REC8: variants seen among roughly 807,000 people sequenced by gnomAD.
REC8 encodes the protein meiotic recombination protein REC8 homolog.
Under a neutral mutation model 78.3 loss-of-function variants are expected in REC8, and 42 were observed. That is an observed-to-expected ratio of 0.54 (90% CI 0.42 to 0.69). The LOEUF is 0.69. REC8 is among the 30% of genes least tolerant of loss of function. The pLI is 0.00. For missense variants in REC8, 581 were observed against 715.8 expected, an observed-to-expected ratio of 0.81 and a Z score of 2.15; for synonymous variants, 268 against 274.1, an observed-to-expected ratio of 0.98 and a Z score of 0.22.
At position 24,178,958 on chromosome 14, in the gene REC8, G is replaced by A. The variant is rs1351491096; in HGVS notation, c.1203+42G>A. The A allele has an allele frequency of 2.5e-6, 4 of 1,609,342 alleles. No homozygotes were observed. The South Asian group carries it at 4.4e-5, about 18-fold the overall frequency. Reference sequence around the variant, plus strand: ...TTTACTGCATCGCCCCAGTGCCAGGGTCTGCCTGACCAGCTGGCTGCCCTC... The same window carrying A: ...TTTACTGCATCGCCCCAGTGCCAGGATCTGCCTGACCAGCTGGCTGCCCTC... On this transcript the variant is annotated intron_variant, in intron 14 of 18. Transcript: ENST00000611366.
Position 24,179,481 on chromosome 14 carries a change from G to A in REC8, c.1319+18G>A, listed in dbSNP as rs373413408. ...GAACGGTGGTAAGCGGCCAGGCTCC[G>A]TGGGAGCCAGGGCCCACAGCCCTTG... On this transcript the variant is annotated intron_variant, in intron 16 of 18. Coordinates refer to ENST00000611366, the MANE Select transcript of REC8 (RefSeq NM_001048205.2). 2.2e-5 allele frequency: 36 copies of A among 1,613,580 alleles called. No homozygotes were observed. Among genetic ancestry groups the A allele is most frequent in the South Asian group, 1.3e-4 (12 of 91,082 alleles).
chr14:24,176,134 T>G (rs920794875), intron 6 of REC8, among the ~76,000 whole-genome samples: 5 of 151,822 alleles, frequency 3.3e-5, no homozygotes, highest in Admixed American at 6.6e-5. Flanking sequence ...TGGTGCACTT[T>G]AGGCTCACTG....
chr14:24,180,253 C>T lies in REC8; in HGVS notation c.*158C>T, dbSNP rs2039104303. On this transcript the variant is annotated 3_prime_UTR_variant, in exon 19 of 19. Transcript: ENST00000611366. ...AGCAGAAAACAAGCTGCTTTTATTACAGTATGATGTCATGACTCATTTGTA... is the reference window on the plus strand; with the variant it reads ...AGCAGAAAACAAGCTGCTTTTATTATAGTATGATGTCATGACTCATTTGTA... 6.4e-7 allele frequency: 1 copy of T among 1,558,374 alleles called. No homozygotes were observed. The highest frequency in any genetic ancestry group is 8.7e-7 in the Non-Finnish European group (1 of 1,150,186).
chr14:24,173,785 A>G (rs1366665096), intron 5 of REC8, among the ~76,000 whole-genome samples: 1 of 152,154 alleles, frequency 6.6e-6, no homozygotes, highest in East Asian at 1.9e-4. Context: ...TCCCCATTTG[A>G]ACAGTGGCTC....
chr14:24,177,763 G>A lies in REC8; in HGVS notation c.864+5G>A. ...CCAGCCCCACCCAGCCCAGAGGTGA[G>A]TAGCCTCCCTTCTAATCCTCCTCCT... On this transcript the variant is annotated splice_donor_5th_base_variant and intron_variant, in intron 11 of 18. Coordinates refer to ENST00000611366, the MANE Select transcript of REC8 (RefSeq NM_001048205.2). The A allele has an allele frequency of 6.2e-7, 1 of 1,600,860 alleles. No individual in the cohort carries two copies. The highest frequency in any genetic ancestry group is 8.5e-7 in the Non-Finnish European group (1 of 1,174,054).
chr14:24,180,541 C>T (rs779172878), downstream of REC8: 11 of 1,613,942 alleles, frequency 6.8e-6, no homozygotes, highest in South Asian at 3.3e-5. Flanking sequence ...TGGCCAGGAA[C>T]GTCAGGAGCA....
chr14:24,178,117 T>TCGC lies in REC8; in HGVS notation c.900_902dup (p.Arg304dup). 6 of 1,613,442 alleles carry TCGC rather than the reference T, an allele frequency of 3.7e-6. No individual in the cohort carries two copies. The highest frequency in any genetic ancestry group is 5.1e-6 in the Non-Finnish European group (6 of 1,179,660). On this transcript the variant is annotated inframe_insertion, in exon 12 of 19. Transcript: ENST00000611366. ...GGAGGCCCCCAGTCCCCCCACCTCC[T>TCGC]CGCCGCCGCCGTCGTCGCCGGTTAC...
chr14:24,172,835 G>A, intron 2 of REC8, 54 bp downstream of exon 2: 1 of 1,613,902 alleles, frequency 6.2e-7, no homozygotes, highest in Non-Finnish European at 8.5e-7. Context: ...GTTAGGGGAT[G>A]GGGTGGCCAA....
In REC8 at chr14:24,172,599, C is replaced by T; in HGVS notation, c.47C>T (p.Ala16Val). 1 of 1,613,398 alleles carries T rather than the reference C, an allele frequency of 6.2e-7. No individual in the cohort carries two copies. The highest frequency in any genetic ancestry group is 8.5e-7 in the Non-Finnish European group (1 of 1,179,492). ...CTTCAGCGCCACACCGGCTGCTTTGCCACCATCTGGTAAGGGCGGGGCCCG... is the reference window on the plus strand; with the variant it reads ...CTTCAGCGCCACACCGGCTGCTTTGTCACCATCTGGTAAGGGCGGGGCCCG... ...NVLQRHTGCF[A>V]TIWLAATRGS... Residue 16 changes from alanine (A) to valine (V), a missense_variant, in exon 1 of 19, where the codon GCC (alanine) becomes GTC (valine). By Grantham distance (64) the Ala-to-Val change is moderately conservative. Coordinates refer to ENST00000611366, the MANE Select transcript of REC8 (RefSeq NM_001048205.2).
Position 24,179,454 on chromosome 14 carries a change from A to G in REC8, c.1310A>G (p.Glu437Gly). The stretch of plus-strand genomic sequence containing the variant: ...TCCCGCATCAGCCTCATCCCACCAG[A>G]AGAACGGTGGTAAGCGGCCAGGCTC... Reference protein sequence around the residue: ...EKSRISLIPPEERWAWPEVEA... With the variant: ...EKSRISLIPPGERWAWPEVEA... The change falls in exon 16 of 19, where the codon GAA becomes GGA. Residue 437 changes from glutamate (E) to glycine (G), a missense_variant. Transcript: ENST00000611366. 6.2e-7 allele frequency: 1 copy of G among 1,614,126 alleles called. No homozygotes were observed. Among genetic ancestry groups the G allele is most frequent in the Non-Finnish European group, 8.5e-7 (1 of 1,180,012 alleles).
At chr14:24,175,829 A>G (rs1274528857) in intron 6 of REC8, among the ~76,000 whole-genome samples, 1 of 151,358 alleles carries the variant, frequency 6.6e-6, no homozygotes, top group African/African-American at 2.4e-5. Flanking sequence ...CAGCCTCCCT[A>G]GTAGCTGGGA....
At chr14:24,179,041 G>A (rs753888689) in intron 14 of REC8, 44 bp from the exon 15 acceptor site, 17 of 1,607,670 alleles carry the variant, frequency 1.1e-5, no homozygotes, top group Admixed American at 1.7e-5. Flanking sequence ...TGAGGCCCAA[G>A]TCCCAGATGC....
At position 24,173,877 on chromosome 14, in the gene REC8, T is replaced by C. The variant is rs552268017; in HGVS notation, c.462+466T>C. ...TTTATTTTATTACTATTATTATTAT[T>C]ATTTTTGAGACAGGATCTTGCTCTG... On this transcript the variant is annotated intron_variant, in intron 5 of 18. Coordinates refer to ENST00000611366, the MANE Select transcript of REC8 (RefSeq NM_001048205.2). Among the ~76,000 whole-genome samples the C allele has an allele frequency of 2.0e-5, 3 of 152,276 alleles. No homozygotes were observed. In the South Asian group the frequency reaches 6.2e-4, roughly 32 times the overall value.
rs1179829645 is a variant in REC8, at chr14:24,175,542, G to T, written c.463-1G>T. ...CTTTTGTTTCCAATCCCTCTCCAAA[G>T]ATTCGACACCTCTTAGAGGCTGCAA... On this transcript the variant is annotated splice_acceptor_variant, in intron 5 of 18. Coordinates refer to ENST00000611366, the MANE Select transcript of REC8 (RefSeq NM_001048205.2). LOFTEE classifies it high-confidence loss of function. 1 of 1,613,344 alleles carries T rather than the reference G, an allele frequency of 6.2e-7. No individual in the cohort carries two copies. Among genetic ancestry groups the T allele is most frequent in the Non-Finnish European group, 8.5e-7 (1 of 1,179,326 alleles).
chr14:24,173,598 A>G (rs746534458), intron 5 of REC8, among the ~76,000 whole-genome samples, 187 bp downstream of exon 5: 1 of 152,168 alleles, frequency 6.6e-6, no homozygotes, highest in Non-Finnish European at 1.5e-5. Flanking sequence ...CTCAGGGCCA[A>G]TCTGATCAGA....
intron 10 of REC8, 70 bp downstream of exon 10, chr14:24,177,611 A>G (rs2038958772): frequency 1.3e-6 from 2 of 1,579,726 alleles, no homozygotes; most frequent in Non-Finnish European, 1.7e-6. Flanking sequence ...AGGGCTTTAT[A>G]TCCCAACTTG....
chr14:24,176,103 C>T (rs1047848353), intron 6 of REC8, among the ~76,000 whole-genome samples: 2 of 151,616 alleles, frequency 1.3e-5, no homozygotes, highest in Non-Finnish European at 2.9e-5. Flanking sequence ...GTATCACTCT[C>T]TAGCCCAGGC....
At position 24,173,174 on chromosome 14, in the gene REC8, T is replaced by A; in HGVS notation, c.317T>A (p.Ile106Asn). The A allele has an allele frequency of 6.2e-7, 1 of 1,614,160 alleles. No homozygotes were observed. The highest frequency in any genetic ancestry group is 8.5e-7 in the Non-Finnish European group (1 of 1,180,028). ...LERLHRAQLQ[I>N]RIDMETELPS... Reference sequence around the variant, plus strand: ...CGCCTCCACCGTGCCCAGCTGCAGATCCGAATAGATATGGAGACTGAGCTG... The same window carrying A: ...CGCCTCCACCGTGCCCAGCTGCAGAACCGAATAGATATGGAGACTGAGCTG... The change falls in exon 4 of 19, where the codon ATC (isoleucine) becomes AAC (asparagine). Residue 106 changes from isoleucine to asparagine, a missense_variant. Physicochemically the swap from Ile to Asn is moderately radical, Grantham distance 149 (BLOSUM62 -3). Transcript: ENST00000611366.
rs377231985 is a variant in REC8 at position 24,176,937 on chromosome 14, C to T, written c.624+36C>T. 1.0e-5 allele frequency: 16 copies of T among 1,540,992 alleles called. No homozygotes were observed. The South Asian group carries it at 1.7e-4, about 16-fold the overall frequency. On this transcript the variant is annotated intron_variant, in intron 7 of 18. Transcript: ENST00000611366. ...CTGCACACAGGGCCTGAGGTCCAGC[C>T]CCCTTGCATGTACTTCTCTCTGTCC... is the stretch of plus-strand genomic sequence containing the variant.
Sources: allele counts gnomAD v4.1 joint callset (sites outside exome capture counted in the v4.1 genomes callset), GRCh38; gene constraint gnomAD v4.1.1; transcripts MANE v1.5; gene names NCBI Gene and HGNC (gene_info 2026-07-23, HGNC 2026-07-21).